Variants in CEP70 observed in about 807,000 individuals in gnomAD.
CEP70 encodes centrosomal protein of 70 kDa.
In CEP70, 70 loss-of-function variants were observed where a neutral mutation model predicts 90.9. The ratio of observed to expected loss-of-function variants is 0.77; its 90% CI spans 0.64 to 0.94. The LOEUF (loss-of-function observed/expected upper bound fraction) is 0.94, where lower values mean the gene tolerates loss of function less well. Ranked by LOEUF, CEP70 falls within the 40% of genes least tolerant of loss-of-function variation. The pLI, the probability that CEP70 is intolerant of heterozygous loss-of-function variation, is 0.00. For missense variants in CEP70, 648 were observed against 669.0 expected (o/e 0.97, Z 0.35); for synonymous variants, 220 against 228.3 (o/e 0.96, Z 0.33).
intron 17 of CEP70, chr3:138,497,440 T>C: frequency 3.6e-6 from 4 of 1,110,184 alleles, no homozygotes; most frequent in South Asian, 2.1e-5. Context: ...AATAATTTTA[T>C]AGCCATATGT....
At chr3:138,582,106 A>C (rs1323126126) in intron 2 of CEP70, among the ~76,000 whole-genome samples, 2 of 152,104 alleles carry the variant, frequency 1.3e-5, no homozygotes, top group South Asian at 4.2e-4. Flanking sequence ...TGCTAAAGGG[A>C]GTTTTTTTAA....
At chr3:138,571,477 GT>G (rs2041172421) in intron 3 of CEP70, 121 bp from the exon 4 acceptor site, 1 of 677,256 alleles carries the variant, frequency 1.5e-6, no homozygotes, top group Non-Finnish European at 2.5e-6. Context: ...AAGTATAAAT[GT>G]TTATGCATAT....
intron 11 of CEP70, among the ~76,000 whole-genome samples, chr3:138,519,903 T>G (rs984539797): frequency 2.0e-5 from 3 of 151,706 alleles, no homozygotes; most frequent in Admixed American, 2.0e-4. Context: ...GGATAAAGAG[T>G]CAAGACCCAT....
At chr3:138,542,449 G>A (rs2038848514) in intron 6 of CEP70, among the ~76,000 whole-genome samples, 1 of 152,234 alleles carries the variant, frequency 6.6e-6, no homozygotes, top group Non-Finnish European at 1.5e-5. Flanking sequence ...CCGCAGCGCA[G>A]CAAGTCGGGG....
rs1361625431 is a variant in CEP70 at position 138,570,558 on chromosome 3, C to T, written c.285-60G>A. ...ATTAAAAATAAATCGAATTACCAAGCATATCCATATAAGAATGTATTGCCT... is the reference window on the plus strand; with the variant it reads ...ATTAAAAATAAATCGAATTACCAAGTATATCCATATAAGAATGTATTGCCT... On this transcript the variant is annotated intron_variant, in intron 5 of 17. Transcript: ENST00000264982. 14 of 1,316,738 alleles carry T rather than the reference C, an allele frequency of 1.1e-5. 1 individual carries two copies. The highest frequency in any genetic ancestry group is 4.0e-5 in the South Asian group (3 of 75,622). 81.6% of individuals were successfully genotyped at this position (1,316,738 alleles called of 1,614,324 possible).
intron 6 of CEP70, among the ~76,000 whole-genome samples, chr3:138,562,876 G>A (rs551444082): frequency 3.3e-4 from 50 of 152,158 alleles, no homozygotes; most frequent in Middle Eastern, 6.8e-3. Flanking sequence ...AAATGTAAAC[G>A]GCTAAATGCC....
At chr3:138,526,853 T>C (rs1182618132) in intron 10 of CEP70, among the ~76,000 whole-genome samples, 1 of 152,216 alleles carries the variant, frequency 6.6e-6, no homozygotes, top group African/African-American at 2.4e-5. Context: ...AGGTATTAGA[T>C]GATGGATATG....
chr3:138,571,736 A>G (rs1454497339), intron 3 of CEP70, among the ~76,000 whole-genome samples: 1 of 150,906 alleles, frequency 6.6e-6, no homozygotes, highest in Non-Finnish European at 1.5e-5. Flanking sequence ...TAATAACTGG[A>G]TAGTAAAGAA....
At position 138,578,564 on chromosome 3, in the gene CEP70, C is replaced by T. The variant is rs146438398; in HGVS notation, c.-5-5632G>A. ...GAAACTTTTGGGAATAGAATCAAAA[C>T]TGAGCAAGATAGGGATAAGAGAGAA... On this transcript the variant is annotated intron_variant, in intron 2 of 17. Coordinates refer to ENST00000264982, the MANE Select transcript of CEP70 (RefSeq NM_024491.4). Among the ~76,000 whole-genome samples, 857 of 152,160 alleles carry T rather than the reference C, an allele frequency of 5.6e-3. 7 individuals are homozygous for T. The highest frequency in any genetic ancestry group is 0.02 in the African/African-American group (825 of 41,488).
chr3:138,571,022 C>A lies in CEP70; in HGVS notation c.284+12G>T, dbSNP rs779611668. ...ACAAACAATTCAAAAGAAATCTTTT[C>A]CATTTTCTCACCTAAGCTGTTGATT... On this transcript the variant is annotated intron_variant, in intron 5 of 17. Transcript: ENST00000264982. 2.6e-6 allele frequency: 4 copies of A among 1,519,794 alleles called. No homozygotes were observed. The Admixed American group carries it at 8.8e-5, about 34-fold the overall frequency. The allele number at this position is 1,519,794 out of a possible 1,614,324, so 94.1% of individuals were successfully genotyped here.
At chr3:138,551,782 A>T (rs1289010778) in intron 6 of CEP70, among the ~76,000 whole-genome samples, 1 of 151,818 alleles carries the variant, frequency 6.6e-6, no homozygotes, top group Non-Finnish European at 1.5e-5. Context: ...AACCCAAAGT[A>T]TACAGGCAAA....
chr3:138,562,471 T>A (rs188604237), intron 6 of CEP70, among the ~76,000 whole-genome samples: 79 of 152,194 alleles, frequency 5.2e-4, no homozygotes, highest in Non-Finnish European at 7.5e-4. Flanking sequence ...AAGGTTGGGG[T>A]TACCCACAAA....
intron 1 of CEP70, among the ~76,000 whole-genome samples, chr3:138,593,413 T>C (rs2042486101): frequency 6.6e-6 from 1 of 152,040 alleles, no homozygotes; most frequent in Non-Finnish European, 1.5e-5. Flanking sequence ...AGTAGAGACG[T>C]GGTTTCATCA....
chr3:138,528,506 A>G (rs950897021), intron 10 of CEP70, among the ~76,000 whole-genome samples: 4 of 152,340 alleles, frequency 2.6e-5, no homozygotes, highest in South Asian at 2.1e-4. Flanking sequence ...GCTTTAGAGC[A>G]AAGGAGCTAG....
chr3:138,555,248 C>CAAAAAAAA lies in CEP70; in HGVS notation c.465+15062_465+15069dup, dbSNP rs200406072. The stretch of plus-strand genomic sequence containing the variant: ...TGGGTGACAGATTGAGACTCCATCT[C>CAAAAAAAA]AAAAAAAAAAAAAATCAACTCAAGA... On this transcript the variant is annotated intron_variant, in intron 6 of 17. Transcript: ENST00000264982. Among the ~76,000 whole-genome samples the CAAAAAAAA allele has an allele frequency of 7.9e-4, 101 of 127,180 alleles. 1 individual carries two copies. The highest frequency in any genetic ancestry group is 2.9e-3 in the African/African-American group (94 of 32,926). The allele number at this position is 127,180 out of a possible 152,430, so 83.4% of individuals were successfully genotyped here.
intron 13 of CEP70, among the ~76,000 whole-genome samples, chr3:138,501,178 T>C (rs1470009577): frequency 6.6e-6 from 1 of 152,120 alleles, no homozygotes; most frequent in Non-Finnish European, 1.5e-5. Context: ...TAATTTTATG[T>C]TATTTATTAT....
chr3:138,494,990 A>C lies in CEP70; in HGVS notation c.*25T>G. ...ACAAAATGTTAAGAATACAATTTAC[A>C]CAGTAAAAATGATTTGATTTGTTTT... On this transcript the variant is annotated 3_prime_UTR_variant, in exon 18 of 18. Coordinates refer to ENST00000264982, the MANE Select transcript of CEP70 (RefSeq NM_024491.4). 1 of 1,195,294 alleles carries C rather than the reference A, an allele frequency of 8.4e-7. No homozygotes were observed. The highest frequency in any genetic ancestry group is 1.6e-5 in the African/African-American group (1 of 61,334). 74.0% of individuals were successfully genotyped at this position (1,195,294 alleles called of 1,614,324 possible).
intron 6 of CEP70, among the ~76,000 whole-genome samples, chr3:138,552,986 C>T (rs549836167): frequency 6.6e-6 from 1 of 152,082 alleles, no homozygotes; most frequent in Admixed American, 6.5e-5. Context: ...AGAAATGAAG[C>T]GGGAGATATT....
intron 11 of CEP70, among the ~76,000 whole-genome samples, chr3:138,519,056 T>G (rs1041664953): frequency 6.6e-6 from 1 of 152,304 alleles, no homozygotes; most frequent in South Asian, 2.1e-4. Flanking sequence ...AGTAGCCGAT[T>G]CGATCAACTG....
Sources: allele counts gnomAD v4.1 joint callset (sites outside exome capture counted in the v4.1 genomes callset), GRCh38; gene constraint gnomAD v4.1.1; transcripts MANE v1.5; gene names NCBI Gene and HGNC (gene_info 2026-07-23, HGNC 2026-07-21).